Variants in SYCE2 observed in about 807,000 individuals in gnomAD.
SYCE2 encodes synaptonemal complex central element protein 2.
SYCE2 carries 3 observed loss-of-function variants against 27.9 expected under a neutral mutation model. The ratio of observed to expected loss-of-function variants is 0.11; its 90% CI spans 0.05 to 0.28. The LOEUF (loss-of-function observed/expected upper bound fraction) is 0.28, where lower values mean the gene tolerates loss of function less well. Ranked by LOEUF, SYCE2 falls within the 10% of genes least tolerant of loss-of-function variation. The pLI is 1.00. For synonymous variants in SYCE2, 85 were observed against 100.7 expected, an observed-to-expected ratio of 0.84 and a Z score of 0.93; for missense variants, 207 against 263.5, an observed-to-expected ratio of 0.79 and a Z score of 1.48.
In SYCE2 at chr19:12,918,276, T is replaced by G; in HGVS notation, c.77A>C (p.Glu26Ala). 1 of 1,614,172 alleles carries G rather than the reference T, an allele frequency of 6.2e-7. No homozygotes were observed. Among genetic ancestry groups the G allele is most frequent in the Non-Finnish European group, 8.5e-7 (1 of 1,180,026 alleles). Reference sequence around the variant, plus strand: ...GCAGTTCTCTTCCCACCGCGGATGCTCCTTGCTCTCCCCCAAGGGCTGCGG... The same window carrying G: ...GCAGTTCTCTTCCCACCGCGGATGCGCCTTGCTCTCCCCCAAGGGCTGCGG... ...QEPQPLGESK[E>A]HPRWEENCEE... The change falls in exon 2 of 6, where the codon GAG (glutamate) becomes GCG (alanine). Residue 26 changes from glutamate to alanine, a missense_variant. Physicochemically the swap from Glu to Ala is moderately radical, Grantham distance 107. Coordinates refer to ENST00000293695, the MANE Select transcript of SYCE2 (RefSeq NM_001105578.2).
intron 3 of SYCE2, 25 bp from the exon 4 acceptor site, chr19:12,900,673 C>T (rs199658516): frequency 1.4e-5 from 22 of 1,595,626 alleles, no homozygotes; most frequent in Middle Eastern, 2.0e-4. Flanking sequence ...GATGTGTTCT[C>T]GGAAAATCAA....
chr19:12,900,307 A>T (rs1442340948), intron 4 of SYCE2, 153 bp downstream of exon 4: 1 of 1,075,016 alleles, frequency 9.3e-7, no homozygotes, highest in East Asian at 2.6e-5. Flanking sequence ...ATAGGGGATC[A>T]CAAACAAGAT....
At chr19:12,903,232 C>G (rs1970875065) in intron 3 of SYCE2, among the ~76,000 whole-genome samples, 1 of 151,524 alleles carries the variant, frequency 6.6e-6, no homozygotes, top group African/African-American at 2.4e-5. Flanking sequence ...GCTGGGACTA[C>G]AGGCGCCCGC....
chr19:12,899,344 G>A lies in SYCE2; in HGVS notation c.654C>T (p.Cys218=). ...GGCGTGAGTCTCCCGGCAGCTGTCAGCATTCACCATCTCTGTTGGTCTGTA... is the reference window on the plus strand; with the variant it reads ...GGCGTGAGTCTCCCGGCAGCTGTCAACATTCACCATCTCTGTTGGTCTGTA... ...SEVQTNRDGE[C] is the part of the protein sequence containing the mutation. The change falls in exon 6 of 6, where the codon TGC becomes TGT. Residue 218 remains cysteine (C), a synonymous_variant. Coordinates refer to ENST00000293695, the MANE Select transcript of SYCE2 (RefSeq NM_001105578.2). The A allele has an allele frequency of 1.9e-6, 3 of 1,613,832 alleles. No individual in the cohort carries two copies. Among genetic ancestry groups the A allele is most frequent in the South Asian group, 2.2e-5 (2 of 91,078 alleles).
rs1971177899 is a variant in SYCE2, at chr19:12,918,399, C to CT, written c.16-63dup. On this transcript the variant is annotated intron_variant, in intron 1 of 5. Coordinates refer to ENST00000293695, the MANE Select transcript of SYCE2 (RefSeq NM_001105578.2). ...GATGAGGAGTGAACAGATCGCCCTC[C>CT]TGCCGACCCTTCAACCCTGGTCACC... 3 of 1,485,428 alleles carry CT rather than the reference C, an allele frequency of 2.0e-6. No individual in the cohort carries two copies. The African/African-American group carries it at 4.1e-5, about 21-fold the overall frequency. 92.0% of individuals were successfully genotyped at this position (1,485,428 alleles called of 1,614,324 possible).
At chr19:12,916,767 ATTTCTTTC>A (rs374698352) in intron 2 of SYCE2, among the ~76,000 whole-genome samples, 2 of 148,986 alleles carry the variant, frequency 1.3e-5, no homozygotes, top group African/African-American at 2.6e-5. Flanking sequence ...CACCACGCTC[ATTTCTTTC>A]TTTCTTTCTT....
chr19:12,914,899 G>A (rs544173531), intron 2 of SYCE2, among the ~76,000 whole-genome samples: 3 of 152,324 alleles, frequency 2.0e-5, no homozygotes, highest in East Asian at 1.9e-4. Context: ...ATGAGCCATC[G>A]TGCCCGGCCT....
intron 2 of SYCE2, among the ~76,000 whole-genome samples, chr19:12,915,564 C>A (rs1971121778): frequency 6.7e-6 from 1 of 148,492 alleles, no homozygotes; most frequent in Non-Finnish European, 1.5e-5. Context: ...ATCATGCCCC[C>A]TCACTCCAGC....
At chr19:12,919,196 A>C (rs748567555) in intron 1 of SYCE2, 47 bp downstream of exon 1, 2 of 1,606,738 alleles carry the variant, frequency 1.2e-6, no homozygotes, top group African/African-American at 1.3e-5. Context: ...TTCCCTGCCT[A>C]TCTGTCCGCC....
rs531576588 is a variant in SYCE2, at chr19:12,909,757, A to G, written c.132-5091T>C. 3.3e-5 allele frequency among the ~76,000 whole-genome samples: 5 copies of G among 149,990 alleles called. 1 individual carries two copies. The Admixed American group carries it at 3.4e-4, about 10-fold the overall frequency. Reference sequence around the variant, plus strand: ...AATTTTGTATTTTTAGTAGAGACGGAGTTTCTCCATGTTGGTCAGGCTGGT... The same window carrying G: ...AATTTTGTATTTTTAGTAGAGACGGGGTTTCTCCATGTTGGTCAGGCTGGT... On this transcript the variant is annotated intron_variant, in intron 2 of 5. Transcript: ENST00000293695.
intron 2 of SYCE2, 108 bp from the exon 3 acceptor site, chr19:12,904,774 G>T: frequency 3.1e-6 from 4 of 1,302,012 alleles, no homozygotes; most frequent in Non-Finnish European, 3.2e-6. Flanking sequence ...GCCGAGGTGG[G>T]CGGATCACAA....
rs540319675 is a variant in SYCE2 at position 12,908,196 on chromosome 19, G to A, written c.132-3530C>T. Among the ~76,000 whole-genome samples, 21 of 151,114 alleles carry A rather than the reference G, an allele frequency of 1.4e-4. 1 individual carries two copies. In the South Asian group the frequency reaches 3.6e-3, roughly 26 times the overall value. On this transcript the variant is annotated intron_variant, in intron 2 of 5. Transcript: ENST00000293695. ...ATATACACCCCTCCCCTCTCCACCC[G>A]GTCTCCCCCAGCCGGCCACCTCCCT...
chr19:12,912,959 C>A (rs960689367), intron 2 of SYCE2, among the ~76,000 whole-genome samples: 19 of 152,286 alleles, frequency 1.2e-4, no homozygotes, highest in African/African-American at 4.3e-4. Context: ...GCTAATGAAT[C>A]ATAGGCTTCC....
Position 12,905,179 on chromosome 19 carries a change from C to T in SYCE2, c.132-513G>A, listed in dbSNP as rs143547967. On this transcript the variant is annotated intron_variant, in intron 2 of 5. Coordinates refer to ENST00000293695, the MANE Select transcript of SYCE2 (RefSeq NM_001105578.2). ...CCCTGAATGATGAGAATGGCACCCC[C>T]ATTTTATAGCTGAGAAAACAGACCA... is the stretch of plus-strand genomic sequence containing the variant. Among the ~76,000 whole-genome samples the T allele has an allele frequency of 8.7e-3, 1,317 of 152,136 alleles. 20 individuals are homozygous for T. The highest frequency in any genetic ancestry group is 0.03 in the African/African-American group (1,238 of 41,504).
chr19:12,902,753 T>A (rs1970863057), intron 3 of SYCE2, among the ~76,000 whole-genome samples: 1 of 152,038 alleles, frequency 6.6e-6, no homozygotes, highest in African/African-American at 2.4e-5. Context: ...AGTTCAAGAT[T>A]GCAGTGACCT....
At chr19:12,899,943 G>A (rs1357477138) in intron 5 of SYCE2, 61 bp downstream of exon 5, 2 of 1,611,498 alleles carry the variant, frequency 1.2e-6, no homozygotes, top group Admixed American at 3.4e-5. Flanking sequence ...GAGTGAGGGA[G>A]AGGAAAATAA....
At chr19:12,918,950 C>T (rs1006693043) in intron 1 of SYCE2, among the ~76,000 whole-genome samples, 2 of 57,140 alleles carry the variant, frequency 3.5e-5, no homozygotes, top group African/African-American at 1.2e-4. Context: ...TACTTCGTCT[C>T]AAAAAAAAAA....
intron 1 of SYCE2, among the ~76,000 whole-genome samples, chr19:12,918,554 G>A (rs1369125671): frequency 6.6e-6 from 1 of 152,208 alleles, no homozygotes; most frequent in African/African-American, 2.4e-5. Context: ...ACCAGACCTA[G>A]AGGGGCCGGG....
intron 2 of SYCE2, among the ~76,000 whole-genome samples, chr19:12,908,359 C>T (rs1004366994): frequency 9.6e-5 from 14 of 146,514 alleles, no homozygotes; most frequent in African/African-American, 3.5e-4. Flanking sequence ...GAGTCTCGCT[C>T]TGTCACCGAG....
Sources: allele counts gnomAD v4.1 joint callset (sites outside exome capture counted in the v4.1 genomes callset), GRCh38; gene constraint gnomAD v4.1.1; transcripts MANE v1.5; gene names NCBI Gene and HGNC (gene_info 2026-07-23, HGNC 2026-07-21).